The following CNTN4 variants were observed in gnomAD, a reference collection of about 807,000 sequenced individuals.
CNTN4 encodes the protein contactin 4, also known as contactin-4.
A neutral mutation model predicts 122.5 loss-of-function variants in CNTN4; 77 were observed. The ratio of observed to expected loss-of-function variants is 0.63; its 90% CI spans 0.52 to 0.76. The LOEUF is 0.76. CNTN4 is among the 30% of genes least tolerant of loss of function. CNTN4 has a pLI of 0.00. For synonymous variants in CNTN4, 512 were observed against 447.0 expected (o/e 1.15, Z -1.83); for missense variants, 1,256 against 1,259.1 (o/e 1.00, Z 0.04).
At chr3:2,497,397 T>A (rs1269893557) in intron 3 of CNTN4, among the ~76,000 whole-genome samples, 4 of 152,184 alleles carry the variant, frequency 2.6e-5, no homozygotes, top group Non-Finnish European at 5.9e-5. Context: ...ATGACTTAGC[T>A]CATTATGTAG....
intron 12 of CNTN4, among the ~76,000 whole-genome samples, chr3:2,918,168 G>A (rs75644186): frequency 0.014 from 2,077 of 152,280 alleles, 45 homozygotes; most frequent in African/African-American, 0.047. Flanking sequence ...AGTCACTGCC[G>A]CATTGCATAA....
intron 3 of CNTN4, among the ~76,000 whole-genome samples, chr3:2,423,422 C>T (rs1031028813): frequency 2.0e-5 from 3 of 151,402 alleles, no homozygotes; most frequent in East Asian, 1.9e-4. Flanking sequence ...CATCCAGACA[C>T]ACTTCTCGAT....
chr3:2,846,770 G>C (rs980711629), intron 7 of CNTN4, among the ~76,000 whole-genome samples: 6 of 152,110 alleles, frequency 3.9e-5, no homozygotes, highest in African/African-American at 1.4e-4. Flanking sequence ...GCCGAGGCAG[G>C]CCGATCACCT....
At chr3:2,661,098 C>G (rs1416840260) in intron 4 of CNTN4, among the ~76,000 whole-genome samples, 1 of 152,222 alleles carries the variant, frequency 6.6e-6, no homozygotes, top group South Asian at 2.1e-4. Context: ...TATCCTACTA[C>G]TACCAAACAG....
intron 3 of CNTN4, among the ~76,000 whole-genome samples, chr3:2,405,335 G>A (rs909970047): frequency 1.3e-5 from 2 of 152,092 alleles, no homozygotes; most frequent in African/African-American, 4.8e-5. Context: ...TTAAATATCA[G>A]TTCTTCAAAT....
At chr3:2,187,229 G>A (rs1219197075) in intron 2 of CNTN4, among the ~76,000 whole-genome samples, 1 of 152,184 alleles carries the variant, frequency 6.6e-6, no homozygotes, top group Non-Finnish European at 1.5e-5. Context: ...TCAAAGATCA[G>A]ATGGTTGTAG....
intron 2 of CNTN4, among the ~76,000 whole-genome samples, chr3:2,171,088 A>T (rs183697480): frequency 6.6e-6 from 1 of 152,332 alleles, no homozygotes; most frequent in Admixed American, 6.5e-5. Flanking sequence ...TTTCTTTAAA[A>T]AACTAAATTC....
chr3:2,416,159 A>G (rs1349613996), intron 3 of CNTN4, among the ~76,000 whole-genome samples: 1 of 152,176 alleles, frequency 6.6e-6, no homozygotes, highest in African/African-American at 2.4e-5. Flanking sequence ...GTAATAAAAT[A>G]GAACTTTTAA....
At chr3:2,796,439 C>G (rs967765310) in intron 6 of CNTN4, among the ~76,000 whole-genome samples, 9 of 152,104 alleles carry the variant, frequency 5.9e-5, no homozygotes, top group Non-Finnish European at 8.8e-5. Flanking sequence ...ATTAGATTCA[C>G]TTTTCAATAT....
chr3:2,647,778 T>C (rs1325565596), intron 4 of CNTN4, among the ~76,000 whole-genome samples: 1 of 152,222 alleles, frequency 6.6e-6, no homozygotes, highest in African/African-American at 2.4e-5. Flanking sequence ...TAAATTGCTG[T>C]AGAGATACCA....
intron 2 of CNTN4, among the ~76,000 whole-genome samples, chr3:2,258,064 A>AAATC (rs896481975): frequency 3.1e-4 from 47 of 152,268 alleles, no homozygotes; most frequent in African/African-American, 1.0e-3. Context: ...CTCCATCTCA[A>AAATC]AATCAATCAA....
At chr3:2,504,529 C>T (rs1441709661) in intron 3 of CNTN4, among the ~76,000 whole-genome samples, 3 of 152,176 alleles carry the variant, frequency 2.0e-5, no homozygotes, top group Admixed American at 6.5e-5. Context: ...TATCAATATA[C>T]GGGTATTTTC....
intron 3 of CNTN4, among the ~76,000 whole-genome samples, chr3:2,426,170 T>C (rs2047824739): frequency 6.6e-6 from 1 of 152,092 alleles, no homozygotes; most frequent in Admixed American, 6.5e-5. Context: ...ATGGTTCCAG[T>C]TTTTGCCCAT....
chr3:2,506,009 C>A (rs1284895613), intron 3 of CNTN4, among the ~76,000 whole-genome samples: 2 of 149,782 alleles, frequency 1.3e-5, no homozygotes, highest in African/African-American at 4.8e-5. Flanking sequence ...TTTAAACAGA[C>A]ACTCGCTTTT....
intron 2 of CNTN4, among the ~76,000 whole-genome samples, chr3:2,156,668 G>A (rs190440654): frequency 6.6e-6 from 1 of 152,312 alleles, no homozygotes; most frequent in Non-Finnish European, 1.5e-5. Context: ...ATGAGGAAAT[G>A]GAGGCAGAGA....
At chr3:2,657,089 C>G (rs969012444) in intron 4 of CNTN4, among the ~76,000 whole-genome samples, 6 of 152,170 alleles carry the variant, frequency 3.9e-5, no homozygotes, top group African/African-American at 1.4e-4. Flanking sequence ...GCTTGGAAAA[C>G]TGTTAAAAAC....
intron 3 of CNTN4, among the ~76,000 whole-genome samples, chr3:2,482,307 G>T (rs1361422293): frequency 1.3e-5 from 2 of 152,124 alleles, no homozygotes; most frequent in Non-Finnish European, 1.5e-5. Context: ...CTAGAGATCT[G>T]TGGAACTTTG....
chr3:2,772,989 G>A (rs1393527222), intron 6 of CNTN4, among the ~76,000 whole-genome samples: 1 of 152,148 alleles, frequency 6.6e-6, no homozygotes, highest in Non-Finnish European at 1.5e-5. Flanking sequence ...AGAGAAATCA[G>A]ATAAGATAAG....
intron 12 of CNTN4, among the ~76,000 whole-genome samples, chr3:2,908,044 C>T (rs2094257073): frequency 6.6e-6 from 1 of 152,134 alleles, no homozygotes; most frequent in African/African-American, 2.4e-5. Context: ...TAGCCTGAGT[C>T]ATGGATGAGA....
Sources: allele counts gnomAD v4.1 joint callset (sites outside exome capture counted in the v4.1 genomes callset), GRCh38; gene constraint gnomAD v4.1.1; transcripts MANE v1.5; gene names NCBI Gene and HGNC (gene_info 2026-07-23, HGNC 2026-07-21).